SCAMP1: variants seen among roughly 807,000 people sequenced by gnomAD.
SCAMP1 encodes secretory carrier membrane protein 1.
A neutral mutation model predicts 41.8 loss-of-function variants in SCAMP1; 15 were observed. The observed-to-expected ratio is 0.36, with a 90% CI of 0.24 to 0.55. SCAMP1 has a LOEUF of 0.55. SCAMP1 is among the 20% of genes least tolerant of loss of function. The pLI, the probability that SCAMP1 is intolerant of heterozygous loss-of-function variation, is 0.86. For synonymous variants in SCAMP1, 135 were observed against 136.8 expected (o/e 0.99, Z 0.09); for missense variants, 341 against 412.6 (o/e 0.83, Z 1.50).
chr5:78,414,226 G>C (rs1752152643), intron 2 of SCAMP1, among the ~76,000 whole-genome samples: 2 of 151,588 alleles, frequency 1.3e-5, no homozygotes, highest in Non-Finnish European at 2.9e-5. Context: ...TTGAAAAAAA[G>C]GTCATATACA....
At chr5:78,471,321 T>A in intron 8 of SCAMP1, among the ~76,000 whole-genome samples, 1 of 152,132 alleles carries the variant, frequency 6.6e-6, no homozygotes, top group East Asian at 1.9e-4. Flanking sequence ...GAAACTAGAC[T>A]GGCAATTCAA....
intron 6 of SCAMP1, 121 bp downstream of exon 6, chr5:78,422,081 T>TTG: frequency 1.2e-6 from 1 of 835,398 alleles, no homozygotes; most frequent in Non-Finnish European, 1.8e-6. Flanking sequence ...TTGTGTAACA[T>TTG]ACCTTCAGGA....
At chr5:78,374,473 G>A (rs1365528750) in intron 1 of SCAMP1, among the ~76,000 whole-genome samples, 3 of 152,070 alleles carry the variant, frequency 2.0e-5, no homozygotes, top group African/African-American at 7.2e-5. Flanking sequence ...CATAGCAATT[G>A]CTTAAAAGTG....
chr5:78,362,931 T>TACA (rs142935331), intron 1 of SCAMP1, among the ~76,000 whole-genome samples: 26,484 of 147,894 alleles, frequency 0.18, 3,047 homozygotes, highest in Admixed American at 0.33. Context: ...CTTGCACTGT[T>TACA]GCCCCGGCTG....
intron 6 of SCAMP1, among the ~76,000 whole-genome samples, chr5:78,440,744 AG>A (rs1288350418): frequency 3.9e-5 from 6 of 152,250 alleles, no homozygotes; most frequent in Non-Finnish European, 8.8e-5. Context: ...GCTGTCAGAC[AG>A]GGACATTGAA....
intron 8 of SCAMP1, among the ~76,000 whole-genome samples, chr5:78,471,912 A>T (rs1278102461): frequency 6.6e-6 from 1 of 152,114 alleles, no homozygotes; most frequent in Non-Finnish European, 1.5e-5. Flanking sequence ...CCAGCCAGCT[A>T]GAAAGTAGTG....
chr5:78,416,616 C>G lies in SCAMP1; in HGVS notation c.310C>G (p.Arg104Gly). Residue 104 changes from arginine to glycine, a missense_variant, in exon 4 of 9, where the codon CGG becomes GGG. Transcript: ENST00000621999. ...AAGAAAAGCCGCAGAATTAGATCGT[C>G]GGGAACGAGAAATGCAAAACCTCAG... The part of the protein sequence containing the change: ...LERKAAELDR[R>G]EREMQNLSQH... 6.3e-7 allele frequency: 1 copy of G among 1,594,394 alleles called. No homozygotes were observed. Among genetic ancestry groups the G allele is most frequent in the Non-Finnish European group, 8.5e-7 (1 of 1,170,176 alleles).
intron 7 of SCAMP1, among the ~76,000 whole-genome samples, chr5:78,455,747 T>A (rs990288428): frequency 2.9e-5 from 4 of 137,968 alleles, no homozygotes; most frequent in African/African-American, 8.3e-5. Context: ...CTTATTGACT[T>A]TCTGTCTTGT....
Position 78,421,947 on chromosome 5 carries a change from TA to T in SCAMP1, c.620del (p.Tyr207LeufsTer57). 6.2e-7 allele frequency: 1 copy of T among 1,612,014 alleles called. No individual in the cohort carries two copies. Among genetic ancestry groups the T allele is most frequent in the Non-Finnish European group, 8.5e-7 (1 of 1,179,232 alleles). On this transcript the variant is annotated frameshift_variant, in exon 6 of 9. Transcript: ENST00000621999. LOFTEE classifies it high-confidence loss of function. ...CSFVCWYRPL[Y>X]GAFRSDSSFR... ...ATTTGTCTGTTGGTACAGACCACTT[TA>T]TGGAGCTTTCAGGTAAAATGTGTGT...
At chr5:78,422,817 T>G (rs1174899482) in intron 6 of SCAMP1, among the ~76,000 whole-genome samples, 1 of 152,198 alleles carries the variant, frequency 6.6e-6, no homozygotes, top group Non-Finnish European at 1.5e-5. Context: ...TTTTTTAAAC[T>G]CATTTTTATT....
intron 2 of SCAMP1, among the ~76,000 whole-genome samples, chr5:78,399,303 A>G (rs926796066): frequency 6.6e-6 from 1 of 152,174 alleles, no homozygotes; most frequent in Admixed American, 6.5e-5. Flanking sequence ...TTTTGTATGG[A>G]TGTAAGTTTT....
intron 6 of SCAMP1, among the ~76,000 whole-genome samples, chr5:78,442,327 G>A (rs921902815): frequency 3.9e-5 from 6 of 152,266 alleles, no homozygotes; most frequent in East Asian, 1.9e-4. Context: ...CTAGGGTGCC[G>A]TGGCTCTATC....
At chr5:78,366,144 C>CTTTTTTTTTTTTTTTTT (rs781191155) in intron 1 of SCAMP1, among the ~76,000 whole-genome samples, 1 of 135,668 alleles carries the variant, frequency 7.4e-6, no homozygotes. Context: ...CTTTTCTTTT[C>CTTTTTTTTTTTTTTTTT]TTTTCTTTTT....
intron 8 of SCAMP1, among the ~76,000 whole-genome samples, chr5:78,464,535 C>A (rs1258679295): frequency 6.6e-6 from 1 of 152,136 alleles, no homozygotes; most frequent in Non-Finnish European, 1.5e-5. Context: ...TTCCCTCATC[C>A]TTCTCGCAGT....
At chr5:78,419,705 G>T (rs1000716657) in intron 5 of SCAMP1, among the ~76,000 whole-genome samples, 1 of 152,128 alleles carries the variant, frequency 6.6e-6, no homozygotes, top group African/African-American at 2.4e-5. Context: ...CTTGATGGAG[G>T]AAATTTACTT....
chr5:78,475,475 C>A, intron 8 of SCAMP1, 29 bp from the exon 9 acceptor site: 3 of 1,522,442 alleles, frequency 2.0e-6, no homozygotes, highest in Non-Finnish European at 2.6e-6. Flanking sequence ...TTGCTACTTA[C>A]CTTCTCCCAC....
intron 6 of SCAMP1, among the ~76,000 whole-genome samples, chr5:78,442,456 ACCAT>A (rs1752949623): frequency 1.3e-5 from 2 of 152,044 alleles, no homozygotes; most frequent in African/African-American, 4.8e-5. Flanking sequence ...ACAGAGTTTC[ACCAT>A]GTTGGCCAGG....
intron 6 of SCAMP1, among the ~76,000 whole-genome samples, chr5:78,431,979 T>C (rs1248499386): frequency 6.6e-6 from 1 of 152,132 alleles, no homozygotes; most frequent in Non-Finnish European, 1.5e-5. Flanking sequence ...AATTTAGTTA[T>C]ACTCTTTTAG....
Position 78,389,716 on chromosome 5 carries a change from A to AT in SCAMP1, c.135+812dup, listed in dbSNP as rs200651768. Among the ~76,000 whole-genome samples, 517 of 150,698 alleles carry AT rather than the reference A, an allele frequency of 3.4e-3. 7 individuals are homozygous for AT. The highest frequency in any genetic ancestry group is 0.012 in the African/African-American group (497 of 41,126). The stretch of plus-strand genomic sequence containing the variant: ...GCCCTCATCTCTTAGAGTTAGGGCA[A>AT]TTTTTTTTTTAAAGTTCTTTTGATG... On this transcript the variant is annotated intron_variant, in intron 2 of 8. Coordinates refer to ENST00000621999, the MANE Select transcript of SCAMP1 (RefSeq NM_004866.6).
Sources: gnomAD v4.1 joint callset for allele counts (sites outside exome capture counted in the v4.1 genomes callset) on GRCh38, gnomAD v4.1.1 for gene constraint, MANE v1.5 for transcripts, NCBI Gene and HGNC (gene_info 2026-07-23, HGNC 2026-07-21) for gene names.